The following RANBP2 variants were observed in gnomAD, a reference collection of about 807,000 sequenced individuals.
RANBP2 encodes the protein E3 SUMO-protein ligase RanBP2.
RANBP2 carries 57 observed loss-of-function variants against 303.6 expected under a neutral mutation model. The observed-to-expected ratio is 0.19, with a 90% confidence interval of 0.15 to 0.23. The LOEUF (loss-of-function observed/expected upper bound fraction) is 0.23, where lower values mean the gene tolerates loss of function less well. Ranked by LOEUF, RANBP2 falls within the 10% of genes least tolerant of loss-of-function variation. RANBP2 has a pLI of 1.00. For synonymous variants in RANBP2, 1,167 were observed against 1,301.5 expected (o/e 0.90, Z 2.23); for missense variants, 3,138 against 3,780.8 (o/e 0.83, Z 4.46).
the RANBP2 span, among the ~76,000 whole-genome samples, chr2:108,871,264 G>A: frequency 6.6e-6 from 1 of 150,750 alleles, no homozygotes; most frequent in Non-Finnish European, 1.5e-5. Context: ...CAGGTGTGGT[G>A]TCTCATGCCT....
chr2:109,685,975 T>A, the RANBP2 span, among the ~76,000 whole-genome samples: 3 of 152,218 alleles, frequency 2.0e-5, no homozygotes, highest in Non-Finnish European at 2.9e-5. Context: ...TGTTTAAAAA[T>A]GCCTGGAAAA....
At chr2:109,462,662 T>A in the RANBP2 span, among the ~76,000 whole-genome samples, 1 of 152,234 alleles carries the variant, frequency 6.6e-6, no homozygotes. Context: ...CACTGGCCTT[T>A]CTTGCATAAC....
the RANBP2 span, among the ~76,000 whole-genome samples, chr2:109,014,121 T>C: frequency 1.3e-5 from 2 of 152,192 alleles, no homozygotes; most frequent in Non-Finnish European, 2.9e-5. Flanking sequence ...ATTGATTTTT[T>C]AGTAAGCCAT....
the RANBP2 span, among the ~76,000 whole-genome samples, chr2:109,282,408 A>G: frequency 3.7e-4 from 56 of 152,258 alleles, no homozygotes; most frequent in African/African-American, 1.2e-3. Flanking sequence ...GGTGTGAAGT[A>G]ACTGGGAGAA....
chr2:109,430,394 TC>T, the RANBP2 span, among the ~76,000 whole-genome samples: 1 of 152,100 alleles, frequency 6.6e-6, no homozygotes, highest in South Asian at 2.1e-4. Context: ...CCTGCACTCT[TC>T]CTCTCCTCTT....
chr2:109,159,223 C>G, the RANBP2 span, among the ~76,000 whole-genome samples: 4 of 152,352 alleles, frequency 2.6e-5, no homozygotes, highest in East Asian at 7.7e-4. Flanking sequence ...CTTTGAGCTT[C>G]CCCTCCCTGT....
the RANBP2 span, among the ~76,000 whole-genome samples, chr2:109,068,755 T>C: frequency 6.6e-6 from 1 of 152,204 alleles, no homozygotes; most frequent in East Asian, 1.9e-4. Flanking sequence ...GAGGTTTTGT[T>C]TCCTCATTCG....
the RANBP2 span, among the ~76,000 whole-genome samples, chr2:109,224,520 C>A: frequency 6.6e-6 from 1 of 152,194 alleles, no homozygotes; most frequent in Non-Finnish European, 1.5e-5. Context: ...CAGGTGACTA[C>A]TGAGCTCATG....
chr2:109,255,521 C>T, the RANBP2 span, among the ~76,000 whole-genome samples: 7 of 152,186 alleles, frequency 4.6e-5, no homozygotes, highest in African/African-American at 1.7e-4. Flanking sequence ...GCAAAATTAG[C>T]AAATAACCCC....
the RANBP2 span, among the ~76,000 whole-genome samples, chr2:109,360,176 G>A: frequency 2.0e-4 from 31 of 152,244 alleles, no homozygotes; most frequent in Admixed American, 1.7e-3. Context: ...AGCTGATACA[G>A]GTATTCTGGA....
At chr2:108,895,148 A>AACAG in the RANBP2 span, 3 of 152,686 alleles carry the variant, frequency 2.0e-5, no homozygotes, top group Admixed American at 2.0e-4. Context: ...AACAGCAGCA[A>AACAG]ACAGACACAG....
the RANBP2 span, among the ~76,000 whole-genome samples, chr2:108,916,812 C>A: frequency 6.6e-6 from 1 of 152,156 alleles, no homozygotes; most frequent in African/African-American, 2.4e-5. Flanking sequence ...TCAGCCAGAC[C>A]CCACAAGCCC....
chr2:108,930,871 A>C, the RANBP2 span: 1 of 1,379,052 alleles, frequency 7.3e-7, no homozygotes, highest in East Asian at 2.3e-5. Context: ...GACTATGATC[A>C]GCATTCCCAT....
chr2:109,061,491 C>T, the RANBP2 span, among the ~76,000 whole-genome samples: 1 of 152,174 alleles, frequency 6.6e-6, no homozygotes, highest in East Asian at 1.9e-4. Context: ...ATGGCAAGCC[C>T]TCAGGGCCCC....
the RANBP2 span, chr2:108,929,410 G>A: frequency 7.4e-6 from 12 of 1,611,654 alleles, no homozygotes; most frequent in Non-Finnish European, 8.5e-7. Context: ...GGGGACACAG[G>A]TGAGTGCAGC....
chr2:109,501,213 TG>T, the RANBP2 span, among the ~76,000 whole-genome samples: 2 of 151,962 alleles, frequency 1.3e-5, no homozygotes, highest in East Asian at 1.9e-4. Flanking sequence ...GGATATGAGA[TG>T]GGGGGCTGTG....
At chr2:109,399,434 C>T in the RANBP2 span, among the ~76,000 whole-genome samples, 1 of 145,848 alleles carries the variant, frequency 6.9e-6, no homozygotes, top group African/African-American at 2.6e-5. Flanking sequence ...TATTTCTAGA[C>T]TCCATTTCCA....
the RANBP2 span, among the ~76,000 whole-genome samples, chr2:108,820,796 G>C: frequency 3.3e-5 from 5 of 151,702 alleles, no homozygotes; most frequent in Non-Finnish European, 5.9e-5. Context: ...AGTAGTTGAG[G>C]GAGTTCAGTA....
At chr2:109,705,913 A>G in the RANBP2 span, among the ~76,000 whole-genome samples, 1 of 152,218 alleles carries the variant, frequency 6.6e-6, no homozygotes, top group Non-Finnish European at 1.5e-5. Flanking sequence ...CCCACAAAAA[A>G]TAACAGTTTC....
Sources: gnomAD v4.1 joint callset for allele counts (sites outside exome capture counted in the v4.1 genomes callset) on GRCh38, gnomAD v4.1.1 for gene constraint, MANE v1.5 for transcripts, NCBI Gene and HGNC (gene_info 2026-07-23, HGNC 2026-07-21) for gene names.